MRPL44: variants seen among roughly 807,000 people sequenced by gnomAD.
MRPL44 encodes the protein mitochondrial ribosomal protein L44.
MRPL44 carries 21 observed loss-of-function variants against 25.9 expected under a neutral mutation model. The ratio of observed to expected loss-of-function variants is 0.81; its 90% CI spans 0.58 to 1.17. The LOEUF (loss-of-function observed/expected upper bound fraction) is 1.17. MRPL44 is among the 50% of genes most tolerant of loss of function. MRPL44 has a pLI of 0.00. For synonymous variants in MRPL44, 169 were observed against 151.0 expected (o/e 1.12, Z -0.87); for missense variants, 410 against 398.9 (o/e 1.03, Z -0.24).
rs975710095 is a variant in MRPL44, at chr2:223,957,633, C to T, written c.161C>T (p.Pro54Leu). The T allele has an allele frequency of 4.4e-6, 7 of 1,607,964 alleles. No homozygotes were observed. In the African/African-American group the frequency reaches 6.7e-5, roughly 15 times the overall value. The change falls in exon 1 of 4, where the codon CCG (proline) becomes CTG (leucine). Residue 54 changes from proline (P) to leucine (L), a missense_variant. By Grantham distance (98) the Pro-to-Leu change is moderately conservative. Transcript: ENST00000258383. ...ELERQRLLRC[P>L]PPPVRRSEKP... ...GAGCGGCAGCGCCTTCTGCGGTGCC[C>T]GCCGCCGCCCGTGCGCCGGTAGGAG...
rs1689626082 is a variant in MRPL44, at chr2:223,959,697, G to A, written c.343G>A (p.Val115Ile). The stretch of plus-strand genomic sequence containing the variant: ...ACAACTTGGGATAGAGAAAGAAGCT[G>A]TTCTTCTGAATCTTAAAAGTAATCA... Reference protein sequence around the residue: ...RQQLGIEKEAVLLNLKSNQEL... With the variant: ...RQQLGIEKEAILLNLKSNQEL... Residue 115 changes from valine (V) to isoleucine (I), a missense_variant, in exon 2 of 4, where the codon GTT becomes ATT. Physicochemically the swap from Val to Ile is conservative, Grantham distance 29 (BLOSUM62 3). Transcript: ENST00000258383. 1 of 1,614,132 alleles carries A rather than the reference G, an allele frequency of 6.2e-7. No homozygotes were observed. Among genetic ancestry groups the A allele is most frequent in the Non-Finnish European group, 8.5e-7 (1 of 1,180,058 alleles).
upstream of MRPL44, among the ~76,000 whole-genome samples, chr2:223,956,368 G>A (rs1246486306): frequency 6.6e-6 from 1 of 152,160 alleles, no homozygotes; most frequent in Non-Finnish European, 1.5e-5. Flanking sequence ...CCCAAATTGA[G>A]TTCTATGATC....
In MRPL44 at chr2:223,959,909, A is replaced by T; in HGVS notation, c.555A>T (p.Pro185=). Residue 185 remains proline, a synonymous_variant, in exon 2 of 4, where the codon CCA becomes CCT. Coordinates refer to ENST00000258383, the MANE Select transcript of MRPL44 (RefSeq NM_022915.5). ...VEQLTLSEEF[P]VPPAVLQQTF... ...AGTTAACACTGAGTGAAGAATTCCCAGTGCCCCCAGCTGTGTTACAGCAGA... is the reference window on the plus strand; with the variant it reads ...AGTTAACACTGAGTGAAGAATTCCCTGTGCCCCCAGCTGTGTTACAGCAGA... The T allele has an allele frequency of 6.2e-7, 1 of 1,614,216 alleles. No homozygotes were observed.
chr2:223,953,215 A>G (rs1689516619), upstream of MRPL44, among the ~76,000 whole-genome samples: 1 of 151,322 alleles, frequency 6.6e-6, no homozygotes, highest in South Asian at 2.1e-4. Flanking sequence ...GCTCACTGCA[A>G]CCTCTAACTC....
At chr2:223,962,939 T>C (rs999156551) in intron 2 of MRPL44, among the ~76,000 whole-genome samples, 2 of 152,160 alleles carry the variant, frequency 1.3e-5, no homozygotes, top group African/African-American at 2.4e-5. Flanking sequence ...TGGCCTCAAG[T>C]GATCTGCCTG....
At chr2:223,957,403 G>C, upstream of MRPL44, 1 of 1,582,910 alleles carries the variant, frequency 6.3e-7, no homozygotes, top group Non-Finnish European at 8.7e-7. Flanking sequence ...TCCGGGTTCC[G>C]GGGGAAGTGT....
chr2:223,963,819 A>T lies in MRPL44; in HGVS notation c.712A>T (p.Met238Leu). 6.2e-7 allele frequency: 1 copy of T among 1,613,748 alleles called. No individual in the cohort carries two copies. The highest frequency in any genetic ancestry group is 8.5e-7 in the Non-Finnish European group (1 of 1,179,800). The change falls in exon 3 of 4, where the codon ATG (methionine) becomes TTG (leucine). Residue 238 changes from methionine to leucine, a missense_variant. Met to Leu is a conservative substitution (Grantham distance 15, BLOSUM62 2). Coordinates refer to ENST00000258383, the MANE Select transcript of MRPL44 (RefSeq NM_022915.5). ...LFEMWKIINPMGLLVEELKKR... is the reference protein window; with the variant it reads ...LFEMWKIINPLGLLVEELKKR... The stretch of plus-strand genomic sequence containing the variant: ...TGAGATGTGGAAGATAATAAATCCC[A>T]TGGGGCTATTGGTAGAAGAACTGAA...
chr2:223,957,342 GCCCCGCCCCGGGGGCTGT>G, upstream of MRPL44: 2 of 1,194,150 alleles, frequency 1.7e-6, no homozygotes, highest in Non-Finnish European at 2.4e-6. Flanking sequence ...TCTCTCAGTC[GCCCCGCCCCGGGGGCTGT>G]CTCCGCCCCA....
chr2:223,959,107 C>T (rs910639839), intron 1 of MRPL44, among the ~76,000 whole-genome samples: 2 of 152,158 alleles, frequency 1.3e-5, no homozygotes, highest in Admixed American at 6.5e-5. Context: ...GTCCTTGGAA[C>T]CAATCCCCTA....
chr2:223,958,787 A>G (rs1399670756), intron 1 of MRPL44, among the ~76,000 whole-genome samples: 4 of 152,210 alleles, frequency 2.6e-5, no homozygotes, highest in Non-Finnish European at 5.9e-5. Flanking sequence ...AACGAGTCAC[A>G]TGACTTTTTT....
chr2:223,953,576 C>T (rs775658261), upstream of MRPL44, among the ~76,000 whole-genome samples: 3 of 152,172 alleles, frequency 2.0e-5, no homozygotes, highest in Non-Finnish European at 4.4e-5. Context: ...CATGTTAAAT[C>T]TGTGGGACAG....
upstream of MRPL44, among the ~76,000 whole-genome samples, chr2:223,956,572 C>T (rs867693340): frequency 3.3e-5 from 5 of 152,310 alleles, no homozygotes; most frequent in South Asian, 1.0e-3. Flanking sequence ...GTGGAAACTG[C>T]ACCGAAGAGG....
upstream of MRPL44, among the ~76,000 whole-genome samples, chr2:223,955,747 A>G (rs1302684610): frequency 6.6e-6 from 1 of 152,224 alleles, no homozygotes; most frequent in Non-Finnish European, 1.5e-5. Context: ...AGCAGGTTAA[A>G]GGAAAAATCA....
At chr2:223,963,677 AAG>A (rs1325956549) in intron 2 of MRPL44, 77 bp from the exon 3 acceptor site, 74 of 919,130 alleles carry the variant, frequency 8.1e-5, no homozygotes, top group Non-Finnish European at 1.1e-4. Flanking sequence ...CTAATTTAAA[AAG>A]TGTAAAAAAT....
intron 1 of MRPL44, among the ~76,000 whole-genome samples, chr2:223,958,960 A>G (rs1406373389): frequency 1.3e-5 from 2 of 152,272 alleles, no homozygotes; most frequent in Non-Finnish European, 2.9e-5. Context: ...GAATTGCTAC[A>G]GACCTTCAGT....
intron 2 of MRPL44, among the ~76,000 whole-genome samples, chr2:223,962,163 G>T (rs955369810): frequency 1.3e-5 from 2 of 152,080 alleles, no homozygotes; most frequent in Admixed American, 1.3e-4. Context: ...CTCCCTAGTA[G>T]CTGGGACCAC....
At chr2:223,951,478 G>GTTTTTTTTTGTTTTGTTTTGTTT in the MRPL44 span, among the ~76,000 whole-genome samples, 8 of 112,546 alleles carry the variant, frequency 7.1e-5, no homozygotes, top group South Asian at 5.7e-4. Flanking sequence ...TTACCTTGGA[G>GTTTTTTTTTGTTTTGTTTTGTTT]TTTTTTTTTT....
At chr2:223,965,790 A>G (rs554937502) in intron 3 of MRPL44, 1 of 152,334 alleles carries the variant, frequency 6.6e-6, no homozygotes, top group Non-Finnish European at 1.5e-5. Flanking sequence ...TTAGAAATAT[A>G]TAAAATGATT....
intron 2 of MRPL44, among the ~76,000 whole-genome samples, chr2:223,960,685 T>C (rs1689645816): frequency 1.3e-5 from 2 of 152,242 alleles, no homozygotes; most frequent in African/African-American, 4.8e-5. Context: ...TGATACCAAG[T>C]TTGATAATTT....
Sources: allele counts gnomAD v4.1 joint callset (sites outside exome capture counted in the v4.1 genomes callset), GRCh38; gene constraint gnomAD v4.1.1; transcripts MANE v1.5; gene names NCBI Gene and HGNC (gene_info 2026-07-23, HGNC 2026-07-21).